Variants in RERE observed in about 807,000 individuals in gnomAD.
RERE encodes arginine-glutamic acid dipeptide repeats protein.
A neutral mutation model predicts 146.1 loss-of-function variants in RERE; 40 were observed. That is an observed-to-expected ratio of 0.27 (90% CI 0.21 to 0.36). The LOEUF (loss-of-function observed/expected upper bound fraction) is 0.36, where lower values mean the gene tolerates loss of function less well. Ranked by LOEUF, RERE falls within the 10% of genes least tolerant of loss-of-function variation. RERE has a pLI of 1.00. For missense variants in RERE, 1,933 were observed against 2,138.7 expected (o/e 0.90, Z 1.90); for synonymous variants, 1,003 against 866.0 (o/e 1.16, Z -2.78).
chr1:8,726,860 C>G (rs557525594), intron 1 of RERE, among the ~76,000 whole-genome samples: 1 of 152,290 alleles, frequency 6.6e-6, no homozygotes, highest in East Asian at 1.9e-4. Context: ...GGCTGGAGTG[C>G]AGTGGCACGA....
intron 21 of RERE, among the ~76,000 whole-genome samples, chr1:8,355,877 C>T (rs1028777536): frequency 1.3e-5 from 2 of 152,172 alleles, no homozygotes; most frequent in Non-Finnish European, 2.9e-5. Context: ...CCCTCTGCTA[C>T]TTTCACCGGC....
At chr1:8,805,130 G>A (rs563344120) in intron 1 of RERE, among the ~76,000 whole-genome samples, 78 of 149,956 alleles carry the variant, frequency 5.2e-4, no homozygotes, top group African/African-American at 1.8e-3. Context: ...CCCGGATCCC[G>A]AGTAGCTAGG....
At chr1:8,630,325 C>T (rs946692001) in intron 2 of RERE, among the ~76,000 whole-genome samples, 1 of 152,026 alleles carries the variant, frequency 6.6e-6, no homozygotes, top group African/African-American at 2.4e-5. Flanking sequence ...TTCCTCAACT[C>T]TATAAACAAT....
intron 6 of RERE, among the ~76,000 whole-genome samples, chr1:8,548,941 G>A (rs532724676): frequency 2.0e-5 from 3 of 152,222 alleles, no homozygotes; most frequent in Admixed American, 6.5e-5. Context: ...CTGAGATCAC[G>A]CCACTGCACT....
At chr1:8,494,997 T>C in intron 10 of RERE, 66 bp downstream of exon 10, 1 of 1,171,530 alleles carries the variant, frequency 8.5e-7, no homozygotes, top group Non-Finnish European at 1.3e-6. Context: ...TCATCACACA[T>C]TCCCTACAGC....
In RERE at chr1:8,423,559, A is replaced by T; in HGVS notation, c.1204-752T>A. 1.0e-6 allele frequency: 1 copy of T among 983,604 alleles called. No individual in the cohort carries two copies. Among genetic ancestry groups the T allele is most frequent in the South Asian group, 4.7e-5 (1 of 21,182 alleles). The allele number at this position is 983,604 out of a possible 1,614,324, so 60.9% of individuals were successfully genotyped here. Reference sequence around the variant, plus strand: ...GGGCAGCTCCTGGCTCCGAGCCCCCACCTCGGGGCTCCCAGCCTGGTCCCG... The same window carrying T: ...GGGCAGCTCCTGGCTCCGAGCCCCCTCCTCGGGGCTCCCAGCCTGGTCCCG... On this transcript the variant is annotated intron_variant, in intron 11 of 22. Transcript: ENST00000400908. This position sits in a 1 kb window ranked among gnomAD's most constrained non-coding sequence, Gnocchi z 5.4.
At chr1:8,620,048 T>C (rs1205122206) in intron 3 of RERE, among the ~76,000 whole-genome samples, 2 of 152,228 alleles carry the variant, frequency 1.3e-5, no homozygotes, top group Non-Finnish European at 2.9e-5. Flanking sequence ...AACATTTCTA[T>C]TTGCACTCTG....
intron 1 of RERE, among the ~76,000 whole-genome samples, chr1:8,672,791 T>A (rs1035716041): frequency 3.3e-5 from 5 of 152,136 alleles, no homozygotes; most frequent in African/African-American, 1.2e-4. Flanking sequence ...AGTGTCTCCA[T>A]GCAGCAACAG....
chr1:8,402,508 C>T (rs1370448325), intron 12 of RERE, among the ~76,000 whole-genome samples: 3 of 152,194 alleles, frequency 2.0e-5, no homozygotes, highest in Non-Finnish European at 2.9e-5. Context: ...TATGGTATGT[C>T]ATGCAACGGT....
chr1:8,502,262 G>A (rs1461045297), intron 8 of RERE, among the ~76,000 whole-genome samples: 1 of 115,334 alleles, frequency 8.7e-6, no homozygotes. Flanking sequence ...GGTGAGGGGC[G>A]CCTCTGCCCG....
intron 7 of RERE, among the ~76,000 whole-genome samples, chr1:8,532,796 T>A (rs1645674235): frequency 6.6e-6 from 1 of 152,126 alleles, no homozygotes; most frequent in Non-Finnish European, 1.5e-5. Flanking sequence ...GGGTTTCCCA[T>A]GTTGGCCAGA....
intron 1 of RERE, among the ~76,000 whole-genome samples, chr1:8,730,223 T>C (rs941866506): frequency 1.5e-4 from 23 of 152,212 alleles, no homozygotes; most frequent in African/African-American, 5.1e-4. Context: ...TCACTATATG[T>C]AGATACAAAA....
chr1:8,649,339 C>T (rs892794939), intron 2 of RERE, among the ~76,000 whole-genome samples: 22 of 152,230 alleles, frequency 1.4e-4, no homozygotes, highest in African/African-American at 4.8e-4. Flanking sequence ...GGAAGTAATA[C>T]AAAACAGACT....
At chr1:8,763,457 A>AC (rs1410788326) in intron 1 of RERE, among the ~76,000 whole-genome samples, 2 of 151,720 alleles carry the variant, frequency 1.3e-5, no homozygotes, top group Non-Finnish European at 2.9e-5. Context: ...ACATAATGAA[A>AC]CCCCGTCTCA....
intron 6 of RERE, among the ~76,000 whole-genome samples, chr1:8,550,320 G>GAATA (rs1384069304): frequency 1.3e-5 from 2 of 152,118 alleles, no homozygotes; most frequent in Non-Finnish European, 2.9e-5. Context: ...AATGATGAAT[G>GAATA]AATAAATAAA....
intron 2 of RERE, among the ~76,000 whole-genome samples, chr1:8,640,916 C>T (rs925242467): frequency 6.6e-6 from 1 of 152,102 alleles, no homozygotes; most frequent in South Asian, 2.1e-4. Flanking sequence ...TCACATAGCT[C>T]CAAAGTAAAA....
At chr1:8,571,510 C>T (rs933795221) in intron 4 of RERE, among the ~76,000 whole-genome samples, 1 of 152,176 alleles carries the variant, frequency 6.6e-6, no homozygotes, top group East Asian at 1.9e-4. Context: ...CAGCAACTTA[C>T]CAATAAACAA....
chr1:8,526,009 C>T, intron 7 of RERE: 1 of 1,282,008 alleles, frequency 7.8e-7, no homozygotes, highest in Non-Finnish European at 9.8e-7. Context: ...CTCCCTCATC[C>T]ACACACTGTC....
intron 1 of RERE, among the ~76,000 whole-genome samples, chr1:8,692,643 T>A (rs1161143673): frequency 2.0e-5 from 3 of 152,082 alleles, no homozygotes; most frequent in African/African-American, 7.2e-5. Flanking sequence ...GCCACCGTAT[T>A]CGGCCCGGTA....
Sources: gnomAD v4.1 joint callset for allele counts (sites outside exome capture counted in the v4.1 genomes callset) on GRCh38, gnomAD v4.1.1 for gene constraint, Gnocchi (gnomAD v3.1) non-coding constraint, MANE v1.5 for transcripts, NCBI Gene and HGNC (gene_info 2026-07-23, HGNC 2026-07-21) for gene names.